The following ARHGAP26 variants were observed in gnomAD, a reference collection of about 807,000 sequenced individuals.
ARHGAP26 encodes Rho GTPase activating protein 26, also known as rho GTPase-activating protein 26.
In ARHGAP26, 38 loss-of-function variants were observed where a neutral mutation model predicts 104.8. That is an observed-to-expected ratio of 0.36 (90% CI 0.28 to 0.48). The LOEUF is 0.48. Among genes scored for constraint, ARHGAP26 ranks in the 20% least tolerant of loss-of-function variants. The pLI is 0.99. For synonymous variants in ARHGAP26, 341 were observed against 340.0 expected, an observed-to-expected ratio of 1.00 and a Z score of -0.03; for missense variants, 704 against 947.9, an observed-to-expected ratio of 0.74 and a Z score of 3.38.
chr5:143,181,516 G>T (rs1380620886), intron 20 of ARHGAP26, among the ~76,000 whole-genome samples: 1 of 152,102 alleles, frequency 6.6e-6, no homozygotes, highest in Non-Finnish European at 1.5e-5. Context: ...CCCCAGTGGG[G>T]CACTTATCAG....
intron 11 of ARHGAP26, among the ~76,000 whole-genome samples, chr5:142,991,697 G>A (rs925499234): frequency 1.3e-5 from 2 of 152,182 alleles, no homozygotes; most frequent in African/African-American, 4.8e-5. Context: ...ACAGTATTCA[G>A]TATGGTAACA....
chr5:143,029,248 C>T (rs1373178176), intron 12 of ARHGAP26, among the ~76,000 whole-genome samples: 1 of 152,076 alleles, frequency 6.6e-6, no homozygotes, highest in Non-Finnish European at 1.5e-5. Context: ...GGGAGGCCAA[C>T]CAGGCTCTAT....
At chr5:143,063,489 A>G (rs1787039920) in intron 17 of ARHGAP26, among the ~76,000 whole-genome samples, 1 of 152,172 alleles carries the variant, frequency 6.6e-6, no homozygotes, top group East Asian at 1.9e-4. Flanking sequence ...AACCCTGGAA[A>G]TGGCCTCCAA....
At chr5:143,216,269 A>G (rs771916442) in intron 22 of ARHGAP26, 1 of 471,008 alleles carries the variant, frequency 2.1e-6, no homozygotes, top group Admixed American at 2.4e-5. Context: ...GGGCACTTCC[A>G]CTGGCCGCCT....
intron 1 of ARHGAP26, among the ~76,000 whole-genome samples, chr5:142,778,978 C>T (rs1756931859): frequency 6.6e-6 from 1 of 151,458 alleles, no homozygotes; most frequent in African/African-American, 2.4e-5. Flanking sequence ...TGTATGTGTG[C>T]CAGGGAAAGA....
intron 1 of ARHGAP26, among the ~76,000 whole-genome samples, chr5:142,823,923 T>C (rs1422167244): frequency 6.6e-6 from 1 of 152,230 alleles, no homozygotes; most frequent in Non-Finnish European, 1.5e-5. Flanking sequence ...GTCGTCTTAT[T>C]TGTAAAACTG....
intron 1 of ARHGAP26, among the ~76,000 whole-genome samples, chr5:142,780,484 T>C (rs1238010898): frequency 6.6e-6 from 1 of 152,250 alleles, no homozygotes; most frequent in African/African-American, 2.4e-5. Context: ...GGAAGGAAAC[T>C]CACCATTTTA....
intron 12 of ARHGAP26, among the ~76,000 whole-genome samples, chr5:143,031,192 C>A (rs1781786353): frequency 6.6e-6 from 1 of 152,238 alleles, no homozygotes; most frequent in African/African-American, 2.4e-5. Flanking sequence ...CCTGAAGAAG[C>A]TGGAGGGCCA....
At chr5:143,021,943 G>A (rs1017025512) in intron 12 of ARHGAP26, among the ~76,000 whole-genome samples, 2 of 152,116 alleles carry the variant, frequency 1.3e-5, no homozygotes, top group South Asian at 4.1e-4. Context: ...TCTCAAAGTG[G>A]GGTGTGCACA....
rs1006426968 is a variant in ARHGAP26 at position 143,032,666 on chromosome 5, A to G, written c.1145-4530A>G. The stretch of plus-strand genomic sequence containing the variant: ...CTCAATTAACTTAGATTATATCCCT[A>G]CTGGGCAGAGATTAGGACTAATGAT... On this transcript the variant is annotated intron_variant, in intron 12 of 22. Coordinates refer to ENST00000645722, the MANE Select transcript of ARHGAP26 (RefSeq NM_001135608.3). Among the ~76,000 whole-genome samples, 5 of 152,220 alleles carry G rather than the reference A, an allele frequency of 3.3e-5. No homozygotes were observed. In the East Asian group the frequency reaches 9.6e-4, roughly 29 times the overall value.
At chr5:142,934,615 C>A (rs574243980) in intron 11 of ARHGAP26, among the ~76,000 whole-genome samples, 3 of 152,302 alleles carry the variant, frequency 2.0e-5, no homozygotes, top group Admixed American at 6.5e-5. Flanking sequence ...AAATCTGTCC[C>A]CGTGGGAGCT....
intron 17 of ARHGAP26, among the ~76,000 whole-genome samples, chr5:143,116,829 C>G (rs1025282041): frequency 6.6e-6 from 1 of 152,152 alleles, no homozygotes; most frequent in African/African-American, 2.4e-5. Flanking sequence ...CCAGTTCATG[C>G]GGGAACTGCC....
Position 142,863,374 on chromosome 5 carries a change from T to G in ARHGAP26, c.155-10026T>G, listed in dbSNP as rs571260124. ...CGCCCACCTCGGCCTCCCAGAGTGC[T>G]GGGATTACAGGCGTGAGCCACTGCG... is the stretch of plus-strand genomic sequence containing the variant. On this transcript the variant is annotated intron_variant, in intron 1 of 22. Transcript: ENST00000645722. Among the ~76,000 whole-genome samples the G allele has an allele frequency of 5.5e-4, 84 of 152,320 alleles. 2 individuals carry two copies. The highest frequency in any genetic ancestry group is 3.4e-3 in the Middle Eastern group (1 of 294).
intron 1 of ARHGAP26, among the ~76,000 whole-genome samples, chr5:142,850,835 A>G (rs1039302700): frequency 1.3e-5 from 2 of 152,230 alleles, no homozygotes; most frequent in East Asian, 1.9e-4. Flanking sequence ...TGGATAGCCA[A>G]TGGATCTGAA....
At position 143,193,289 on chromosome 5, in the gene ARHGAP26, C is replaced by T. The variant is rs527305952; in HGVS notation, c.1989-13909C>T. Among the ~76,000 whole-genome samples the T allele has an allele frequency of 4.4e-4, 64 of 146,012 alleles. 1 individual carries two copies. Among genetic ancestry groups the T allele is most frequent in the African/African-American group, 1.6e-3 (62 of 38,552 alleles). On this transcript the variant is annotated intron_variant, in intron 20 of 22. Transcript: ENST00000645722. ...TTGAGGCAGAGTCTCGCTCTGTCAC[C>T]CAGGCTGGAGTGCAGTGGCACGATC... is the stretch of plus-strand genomic sequence containing the variant.
chr5:142,989,459 C>T (rs567366006), intron 11 of ARHGAP26, among the ~76,000 whole-genome samples: 3 of 152,284 alleles, frequency 2.0e-5, no homozygotes, highest in Non-Finnish European at 4.4e-5. Context: ...TTAATTGGAG[C>T]ATTTAGCCCA....
chr5:142,848,468 C>G (rs1034620191), intron 1 of ARHGAP26, among the ~76,000 whole-genome samples: 1 of 152,174 alleles, frequency 6.6e-6, no homozygotes, highest in Non-Finnish European at 1.5e-5. Flanking sequence ...TCCAGTTCTT[C>G]CTTGTTTTCT....
Position 143,012,556 on chromosome 5 carries a change from T to TATATATATTTATATATATAC in ARHGAP26, c.1108-1516_1108-1515insTTATATATATACATATATAT, listed in dbSNP as rs1554195653. Among the ~76,000 whole-genome samples the TATATATATTTATATATATAC allele has an allele frequency of 1.2e-4, 7 of 59,082 alleles. 1 individual carries two copies. The highest frequency in any genetic ancestry group is 1.9e-4 in the Admixed American group (1 of 5,322). 38.8% of individuals were successfully genotyped at this position (59,082 alleles called of 152,430 possible). Reference sequence around the variant, plus strand: ...ATATATTTATATACATACATACATATATATATATATATATATATATTATGA... The same window carrying TATATATATTTATATATATAC: ...ATATATTTATATACATACATACATATATATATATTTATATATATACATATATATATATATATATATTATGA... On this transcript the variant is annotated intron_variant, in intron 11 of 22. Transcript: ENST00000645722.
intron 1 of ARHGAP26, among the ~76,000 whole-genome samples, chr5:142,828,415 T>A (rs1597805555): frequency 6.6e-6 from 1 of 152,216 alleles, no homozygotes; most frequent in Non-Finnish European, 1.5e-5. Context: ...TTATTTCTTT[T>A]AAGCCCAACA....
Sources: gnomAD v4.1 joint callset for allele counts (sites outside exome capture counted in the v4.1 genomes callset) on GRCh38, gnomAD v4.1.1 for gene constraint, MANE v1.5 for transcripts, NCBI Gene and HGNC (gene_info 2026-07-23, HGNC 2026-07-21) for gene names.